BCL2L1: variants seen among roughly 807,000 people sequenced by gnomAD.
BCL2L1 encodes bcl-2-like protein 1.
A neutral mutation model predicts 18.7 loss-of-function variants in BCL2L1; 1 was observed. The observed-to-expected ratio is 0.05, with a 90% CI of 0.02 to 0.25. The LOEUF (loss-of-function observed/expected upper bound fraction) is 0.25. BCL2L1 is among the 10% of genes least tolerant of loss of function. BCL2L1 has a pLI of 1.00. For synonymous variants in BCL2L1, 103 were observed against 122.7 expected (o/e 0.84, Z 1.06); for missense variants, 207 against 304.9 (o/e 0.68, Z 2.39).
rs571003929 is a variant in BCL2L1, at chr20:31,676,133, G to A, written c.565-10047C>T. Among the ~76,000 whole-genome samples, 3 of 152,326 alleles carry A rather than the reference G, an allele frequency of 2.0e-5. No individual in the cohort carries two copies. The South Asian group carries it at 6.2e-4, about 32-fold the overall frequency. ...GGTGATGGGCTTGGGGGCAAAGAGAGAGAATTCAGAAAAGCATTTACTGGG... is the reference window on the plus strand; with the variant it reads ...GGTGATGGGCTTGGGGGCAAAGAGAAAGAATTCAGAAAAGCATTTACTGGG... On this transcript the variant is annotated intron_variant, in intron 2 of 2. Transcript: ENST00000307677.
chr20:31,680,920 G>C (rs1197251626), intron 2 of BCL2L1, among the ~76,000 whole-genome samples: 6 of 152,226 alleles, frequency 3.9e-5, no homozygotes, highest in Admixed American at 3.9e-4. Context: ...TTAAGGAGGT[G>C]AATTTGATCA....
At chr20:31,687,693 A>AG (rs2060985161) in intron 2 of BCL2L1, among the ~76,000 whole-genome samples, 1 of 151,508 alleles carries the variant, frequency 6.6e-6, no homozygotes, top group African/African-American at 2.4e-5. Flanking sequence ...AAAAAAAAAA[A>AG]AAAGAAAATT....
chr20:31,696,275 A>C (rs1470489219), intron 2 of BCL2L1, among the ~76,000 whole-genome samples: 1 of 152,238 alleles, frequency 6.6e-6, no homozygotes, highest in African/African-American at 2.4e-5. Context: ...TCAGACTCAA[A>C]GGGGAGTAAG....
intron 2 of BCL2L1, among the ~76,000 whole-genome samples, chr20:31,673,679 CA>C (rs1312520111): frequency 6.6e-6 from 1 of 151,990 alleles, no homozygotes; most frequent in Non-Finnish European, 1.5e-5. Context: ...AGCAAAGAAA[CA>C]AAAAACTATT....
intron 2 of BCL2L1, among the ~76,000 whole-genome samples, chr20:31,673,777 A>G (rs974458353): frequency 3.3e-5 from 5 of 152,238 alleles, no homozygotes; most frequent in East Asian, 1.9e-4. Flanking sequence ...ACACTAGGCC[A>G]TATTTCCCAA....
chr20:31,679,451 T>C (rs183521362), intron 2 of BCL2L1, among the ~76,000 whole-genome samples: 47 of 152,328 alleles, frequency 3.1e-4, no homozygotes, highest in African/African-American at 1.1e-3. Context: ...CAGGCCTCCC[T>C]ACCCTGGAGT....
Position 31,722,040 on chromosome 20 carries a change from G to A in BCL2L1, c.179C>T (p.Ala60Val), listed in dbSNP as rs754896628. ...GGCTCCATTCACCGCGGGGCTGTCT[G>A]CCAGGTGCCAGGATGGGTTGCCATT... ...AINGNPSWHL[A>V]DSPAVNGATG... Residue 60 changes from alanine (A) to valine (V), a missense_variant, in exon 2 of 3, where the codon GCA (alanine) becomes GTA (valine). Ala to Val is a moderately conservative substitution (Grantham distance 64). Transcript: ENST00000307677. The A allele has an allele frequency of 1.2e-6, 2 of 1,608,490 alleles. No individual in the cohort carries two copies. Among genetic ancestry groups the A allele is most frequent in the East Asian group, 4.5e-5 (2 of 44,836 alleles).
chr20:31,721,512 G>A, intron 2 of BCL2L1, 143 bp downstream of exon 2: 1 of 982,378 alleles, frequency 1.0e-6, no homozygotes, highest in Non-Finnish European at 1.5e-6. Context: ...CTCTTGTGGT[G>A]AAATGAGGCC....
intron 2 of BCL2L1, among the ~76,000 whole-genome samples, chr20:31,701,766 T>C (rs900164941): frequency 6.6e-6 from 1 of 152,260 alleles, no homozygotes; most frequent in Non-Finnish European, 1.5e-5. Flanking sequence ...AAAAGTAGGA[T>C]GAAAGAACAC....
chr20:31,713,088 G>A (rs886091404), intron 2 of BCL2L1, among the ~76,000 whole-genome samples: 1 of 152,104 alleles, frequency 6.6e-6, no homozygotes, highest in African/African-American at 2.4e-5. Flanking sequence ...GGGGAACTCA[G>A]GGTTAATGGA....
At chr20:31,715,271 CAAAA>C (rs567772766) in intron 2 of BCL2L1, among the ~76,000 whole-genome samples, 2 of 92,952 alleles carry the variant, frequency 2.2e-5, no homozygotes, top group Non-Finnish European at 2.3e-5. Flanking sequence ...GACTCTGTCT[CAAAA>C]AAAAAAAAAA....
At chr20:31,693,762 C>T (rs2061122966) in intron 2 of BCL2L1, among the ~76,000 whole-genome samples, 1 of 152,092 alleles carries the variant, frequency 6.6e-6, no homozygotes, top group African/African-American at 2.4e-5. Context: ...TCTCAAACTT[C>T]TGGCCTCAAG....
At chr20:31,693,507 A>T (rs1167892881) in intron 2 of BCL2L1, among the ~76,000 whole-genome samples, 1 of 151,890 alleles carries the variant, frequency 6.6e-6, no homozygotes, top group Non-Finnish European at 1.5e-5. Flanking sequence ...GAGGGGGTAC[A>T]CAGGGGGCTC....
chr20:31,711,661 G>C (rs78688823), intron 2 of BCL2L1, among the ~76,000 whole-genome samples: 4,907 of 152,262 alleles, frequency 0.032, 131 homozygotes, highest in Non-Finnish European at 0.045. Context: ...AGCTTTAGGA[G>C]AGGCAGACAG....
At position 31,722,314 on chromosome 20, in the gene BCL2L1, A is replaced by C; in HGVS notation, c.-96T>G. On this transcript the variant is annotated 5_prime_UTR_variant, in exon 2 of 3. Transcript: ENST00000307677. ...GGTTAGTGATTCTCTTCTAAGATCCAAAGCCAAGATAAGATTCTGAAGGGA... is the reference window on the plus strand; with the variant it reads ...GGTTAGTGATTCTCTTCTAAGATCCCAAGCCAAGATAAGATTCTGAAGGGA... The C allele has an allele frequency of 1.1e-6, 1 of 942,684 alleles. No individual in the cohort carries two copies. The highest frequency in any genetic ancestry group is 2.7e-5 in the East Asian group (1 of 36,886). The allele number at this position is 942,684 out of a possible 1,614,324, so 58.4% of individuals were successfully genotyped here.
At chr20:31,680,407 G>A (rs1381711321) in intron 2 of BCL2L1, among the ~76,000 whole-genome samples, 1 of 152,140 alleles carries the variant, frequency 6.6e-6, no homozygotes, top group African/African-American at 2.4e-5. Flanking sequence ...TGCCTTGAGG[G>A]GTGAGAAAGG....
intron 2 of BCL2L1, among the ~76,000 whole-genome samples, chr20:31,697,906 G>GTTTGTTTTTTTTTTTTTTTTT (rs1555871539): frequency 2.1e-5 from 2 of 97,406 alleles, no homozygotes; most frequent in African/African-American, 2.1e-4. Context: ...TTTTTTTTTT[G>GTTTGTTTTTTTTTTTTTTTTT]AGACGGAGTC....
chr20:31,686,420 C>T (rs991474754), intron 2 of BCL2L1: 4 of 152,192 alleles, frequency 2.6e-5, no homozygotes, highest in Non-Finnish European at 2.9e-5. Flanking sequence ...CTCCTAGCAT[C>T]GTCAGAGGTT....
chr20:31,685,021 A>G (rs2060930567), intron 2 of BCL2L1, among the ~76,000 whole-genome samples: 1 of 152,194 alleles, frequency 6.6e-6, no homozygotes, highest in African/African-American at 2.4e-5. Context: ...ACCTCCCTAG[A>G]TTTTAGAGAC....
Sources: gnomAD v4.1 joint callset for allele counts (sites outside exome capture counted in the v4.1 genomes callset) on GRCh38, gnomAD v4.1.1 for gene constraint, MANE v1.5 for transcripts, NCBI Gene and HGNC (gene_info 2026-07-23, HGNC 2026-07-21) for gene names.